HPSE2: variants seen among roughly 807,000 people sequenced by gnomAD.
The protein encoded by HPSE2 is heparanase 2 (inactive).
Under a neutral mutation model 60.5 loss-of-function variants are expected in HPSE2, and 38 were observed. That is an observed-to-expected ratio of 0.63 (90% CI 0.48 to 0.82). The LOEUF (loss-of-function observed/expected upper bound fraction) is 0.82. HPSE2 is among the 40% of genes least tolerant of loss of function. The pLI, the probability that HPSE2 is intolerant of heterozygous loss-of-function variation, is 0.00. For missense variants in HPSE2, 713 were observed against 740.4 expected, an observed-to-expected ratio of 0.96 and a Z score of 0.43; for synonymous variants, 295 against 293.2, an observed-to-expected ratio of 1.01 and a Z score of -0.06.
At chr10:98,592,991 G>C (rs968764376) in intron 9 of HPSE2, among the ~76,000 whole-genome samples, 3 of 152,118 alleles carry the variant, frequency 2.0e-5, no homozygotes, top group Non-Finnish European at 4.4e-5. Flanking sequence ...CTCAGAGTGG[G>C]CTATGGCTTC....
the HPSE2 span, among the ~76,000 whole-genome samples, chr10:99,261,993 G>T: frequency 2.0e-5 from 3 of 152,188 alleles, no homozygotes; most frequent in Non-Finnish European, 4.4e-5. Context: ...CACTCCCAGA[G>T]CCCCTGGAAC....
chr10:98,562,364 G>A (rs1245637239), intron 9 of HPSE2, among the ~76,000 whole-genome samples: 1 of 152,160 alleles, frequency 6.6e-6, no homozygotes. Flanking sequence ...AATCCTGTTG[G>A]ATCCTCACAG....
At chr10:99,255,556 GCACACATACA>G in the HPSE2 span, among the ~76,000 whole-genome samples, 1 of 89,824 alleles carries the variant, frequency 1.1e-5, no homozygotes, top group Non-Finnish European at 2.1e-5. Context: ...ATGCACGCAT[GCACACATACA>G]CACACACACA....
At chr10:99,280,785 C>T in the HPSE2 span, among the ~76,000 whole-genome samples, 4 of 152,162 alleles carry the variant, frequency 2.6e-5, no homozygotes, top group African/African-American at 9.7e-5. Flanking sequence ...GATTCAAATC[C>T]AGACTCCTCC....
intron 3 of HPSE2, among the ~76,000 whole-genome samples, chr10:99,060,978 T>C (rs1229688862): frequency 9.2e-5 from 14 of 152,022 alleles, no homozygotes; most frequent in Admixed American, 6.6e-5. Flanking sequence ...AGAGTCAGGA[T>C]AGTTAATAAA....
chr10:98,883,072 T>C (rs894955725), intron 3 of HPSE2, among the ~76,000 whole-genome samples: 2 of 152,120 alleles, frequency 1.3e-5, no homozygotes, highest in Non-Finnish European at 2.9e-5. Context: ...AAGCCATATG[T>C]TGACCATCTT....
chr10:98,972,842 G>A (rs1400703031), intron 3 of HPSE2, among the ~76,000 whole-genome samples: 1 of 152,162 alleles, frequency 6.6e-6, no homozygotes, highest in Non-Finnish European at 1.5e-5. Context: ...TCCCAGAAAT[G>A]TAGTCTCACG....
At chr10:99,234,906 G>A (rs990250747) in intron 1 of HPSE2, among the ~76,000 whole-genome samples, 2 of 152,088 alleles carry the variant, frequency 1.3e-5, no homozygotes, top group African/African-American at 4.8e-5. Context: ...ACAAAGTCCT[G>A]AAGTCTGGAA....
chr10:99,229,169 T>C (rs1176953544), intron 2 of HPSE2, among the ~76,000 whole-genome samples: 1 of 146,066 alleles, frequency 6.8e-6, no homozygotes. Context: ...GGAGACTCCA[T>C]ATCGAAAAAA....
At chr10:99,216,425 C>G (rs1265771186) in intron 2 of HPSE2, among the ~76,000 whole-genome samples, 4 of 152,060 alleles carry the variant, frequency 2.6e-5, no homozygotes, top group African/African-American at 9.7e-5. Context: ...GAACTCTTGA[C>G]CTCAGGTGAT....
intron 6 of HPSE2, among the ~76,000 whole-genome samples, chr10:98,678,700 G>T (rs893316018): frequency 8.6e-5 from 13 of 151,704 alleles, no homozygotes; most frequent in Non-Finnish European, 1.6e-4. Context: ...AATTTTTTTG[G>T]TCTCTGGTGG....
At chr10:98,872,285 T>C (rs1033201643) in intron 3 of HPSE2, among the ~76,000 whole-genome samples, 30 of 152,096 alleles carry the variant, frequency 2.0e-4, no homozygotes, top group African/African-American at 7.2e-4. Context: ...GCCCTAATGA[T>C]AGAATGAATG....
At chr10:99,119,872 C>A (rs1282976401) in intron 3 of HPSE2, among the ~76,000 whole-genome samples, 1 of 152,166 alleles carries the variant, frequency 6.6e-6, no homozygotes, top group Non-Finnish European at 1.5e-5. Context: ...AAAAATGGTG[C>A]TGGACTAACT....
In HPSE2 at chr10:98,936,786, C is replaced by T. The variant is rs968479548; in HGVS notation, c.611-192730G>A. On this transcript the variant is annotated intron_variant, in intron 3 of 11. Coordinates refer to ENST00000370552, the MANE Select transcript of HPSE2 (RefSeq NM_021828.5). ...ATGAGGTCAGAAGTTCAAGACTAGC[C>T]TGGCCAACATGGGGAAACCCTGTGT... Among the ~76,000 whole-genome samples the T allele has an allele frequency of 2.8e-5, 4 of 141,708 alleles. 1 individual carries two copies. Among genetic ancestry groups the T allele is most frequent in the Non-Finnish European group, 4.5e-5 (3 of 66,804 alleles). The allele number at this position is 141,708 out of a possible 152,430, so 93.0% of individuals were successfully genotyped here. A position where few individuals can be genotyped will look rare whatever the true frequency, so the allele number is the denominator to read the frequency against.
At chr10:99,088,562 C>A (rs192431866) in intron 3 of HPSE2, among the ~76,000 whole-genome samples, 130 of 152,252 alleles carry the variant, frequency 8.5e-4, no homozygotes, top group African/African-American at 3.0e-3. Context: ...GAGTAGTATT[C>A]TATGGTGTAT....
chr10:99,069,366 T>C lies in HPSE2; in HGVS notation c.610+74872A>G, dbSNP rs1212931737. Among the ~76,000 whole-genome samples the C allele has an allele frequency of 2.0e-5, 3 of 151,978 alleles. No individual in the cohort carries two copies. The East Asian group carries it at 5.8e-4, about 29-fold the overall frequency. ...TCCATAAGGTAACATAGTAGGACGT[T>C]TTGGCTTGCAGTGCAATGCTGGAAT... On this transcript the variant is annotated intron_variant, in intron 3 of 11. Coordinates refer to ENST00000370552, the MANE Select transcript of HPSE2 (RefSeq NM_021828.5).
intron 6 of HPSE2, among the ~76,000 whole-genome samples, chr10:98,645,923 C>T (rs571692865): frequency 2.7e-4 from 41 of 152,078 alleles, no homozygotes; most frequent in African/African-American, 9.2e-4. Flanking sequence ...TGCAGTGAGC[C>T]GAGATTGTGC....
chr10:98,906,179 T>C (rs1295764958), intron 3 of HPSE2, among the ~76,000 whole-genome samples: 2 of 152,194 alleles, frequency 1.3e-5, no homozygotes, highest in Non-Finnish European at 2.9e-5. Flanking sequence ...AATGTCTTCC[T>C]CTGCCCAATT....
chr10:99,187,109 T>A (rs185421198), intron 2 of HPSE2, among the ~76,000 whole-genome samples: 1 of 151,962 alleles, frequency 6.6e-6, no homozygotes, highest in Admixed American at 6.6e-5. Context: ...TAAAAGAAAA[T>A]TGAATAATAT....
Sources: allele counts gnomAD v4.1 joint callset (sites outside exome capture counted in the v4.1 genomes callset), GRCh38; gene constraint gnomAD v4.1.1; transcripts MANE v1.5; gene names NCBI Gene and HGNC (gene_info 2026-07-23, HGNC 2026-07-21).